ADGB: variants seen among roughly 807,000 people sequenced by gnomAD.
The protein encoded by ADGB is calpain-7-like protein.
ADGB carries 172 observed loss-of-function variants against 210.5 expected under a neutral mutation model. The observed-to-expected ratio is 0.82, with a 90% CI of 0.72 to 0.93. The LOEUF (loss-of-function observed/expected upper bound fraction) is 0.93. ADGB is among the 40% of genes least tolerant of loss of function. The pLI is 0.00. For synonymous variants in ADGB, 658 were observed against 662.7 expected (o/e 0.99, Z 0.11); for missense variants, 2,025 against 1,964.8 (o/e 1.03, Z -0.58).
intron 17 of ADGB, among the ~76,000 whole-genome samples, chr6:146,723,793 C>G (rs1281032106): frequency 6.6e-6 from 1 of 152,086 alleles, no homozygotes; most frequent in Non-Finnish European, 1.5e-5. Flanking sequence ...ATTTTTTACA[C>G]TATTTTAGAG....
intron 1 of ADGB, among the ~76,000 whole-genome samples, chr6:146,606,090 A>AT (rs578257227): frequency 3.6e-4 from 55 of 152,084 alleles, no homozygotes; most frequent in Middle Eastern, 3.4e-3. Flanking sequence ...TGCATCTGTT[A>AT]TTTTTTGACT....
chr6:146,703,029 T>C (rs1583597221), intron 13 of ADGB, among the ~76,000 whole-genome samples: 3 of 152,040 alleles, frequency 2.0e-5, no homozygotes, highest in East Asian at 3.9e-4. Context: ...ATTGAACTGG[T>C]TGTTATTGTG....
intron 1 of ADGB, among the ~76,000 whole-genome samples, chr6:146,608,919 T>G (rs1780667758): frequency 1.3e-5 from 2 of 152,216 alleles, no homozygotes; most frequent in African/African-American, 4.8e-5. Flanking sequence ...ATGCTGAATA[T>G]CTTTTTAAAT....
intron 12 of ADGB, among the ~76,000 whole-genome samples, chr6:146,699,783 A>C (rs1172151441): frequency 1.3e-5 from 2 of 152,174 alleles, no homozygotes; most frequent in African/African-American, 4.8e-5. Flanking sequence ...GCAGACCTCA[A>C]GGACAAATTT....
At chr6:146,735,292 C>A (rs2114590363) in intron 22 of ADGB, among the ~76,000 whole-genome samples, 1 of 152,216 alleles carries the variant, frequency 6.6e-6, no homozygotes, top group South Asian at 2.1e-4. Flanking sequence ...AGATGTATTT[C>A]TTACAGTTCT....
At position 146,656,810 on chromosome 6, in the gene ADGB, A is replaced by G; in HGVS notation, c.442A>G (p.Lys148Glu). 1 of 1,550,918 alleles carries G rather than the reference A, an allele frequency of 6.4e-7. No individual in the cohort carries two copies. Among genetic ancestry groups the G allele is most frequent in the Admixed American group, 2.0e-5 (1 of 50,878 alleles). Reference protein sequence around the residue: ...WIISEIYAVWKIFNGGILSNY... With the variant: ...WIISEIYAVWEIFNGGILSNY... ...TATCAGTGAAATCTATGCAGTGTGG[A>G]AGATCTTCAATGGAGGAATTTTGAG... The change falls in exon 5 of 36, where the codon AAG becomes GAG. Residue 148 changes from lysine (K) to glutamate (E), a missense_variant. By Grantham distance (56) the Lys-to-Glu change is moderately conservative. Transcript: ENST00000397944.
At chr6:146,761,970 C>T (rs1476238655) in intron 27 of ADGB, among the ~76,000 whole-genome samples, 2 of 152,072 alleles carry the variant, frequency 1.3e-5, no homozygotes, top group East Asian at 3.9e-4. Context: ...CTTCACATGA[C>T]CCTCTTATTT....
chr6:146,799,020 G>A (rs1778084276), intron 33 of ADGB, among the ~76,000 whole-genome samples: 1 of 87,212 alleles, frequency 1.1e-5, no homozygotes, highest in South Asian at 3.8e-4. Context: ...ACATTTTACA[G>A]AATTTGACAT....
At chr6:146,803,256 T>C (rs1778158954) in intron 35 of ADGB, 5 of 1,589,154 alleles carry the variant, frequency 3.1e-6, no homozygotes, top group Non-Finnish European at 3.5e-6. Context: ...CATTGTTTCA[T>C]GGTCCTGAGA....
chr6:146,793,392 TG>T (rs1562302681), intron 33 of ADGB, among the ~76,000 whole-genome samples: 2 of 152,192 alleles, frequency 1.3e-5, no homozygotes, highest in Admixed American at 1.3e-4. Context: ...CCCCAGCTGC[TG>T]CTGGGAATGG....
intron 29 of ADGB, among the ~76,000 whole-genome samples, chr6:146,780,164 C>G (rs1777778836): frequency 6.6e-6 from 1 of 151,746 alleles, no homozygotes; most frequent in African/African-American, 2.4e-5. Context: ...TTAATTCAAA[C>G]TAGATGGTTA....
chr6:146,674,199 G>A (rs1679895124), intron 8 of ADGB, among the ~76,000 whole-genome samples: 1 of 152,182 alleles, frequency 6.6e-6, no homozygotes. Context: ...AGATACATTG[G>A]AGGGGAGTAA....
intron 8 of ADGB, 37 bp from the exon 9 acceptor site, chr6:146,676,276 T>C (rs1212802940): frequency 9.3e-6 from 14 of 1,501,750 alleles, no homozygotes; most frequent in East Asian, 7.5e-5. Context: ...TGAGATTGTC[T>C]AGTTAAAATA....
rs570871231 is a variant in ADGB at position 146,648,504 on chromosome 6, A to G, written c.330+3639A>G. On this transcript the variant is annotated intron_variant, in intron 3 of 35. Transcript: ENST00000397944. ...GAAATTTACAATCATGGCAGAAGGTAAAGGGGAAGCAAGCACTTCTTCACA... is the reference window on the plus strand; with the variant it reads ...GAAATTTACAATCATGGCAGAAGGTGAAGGGGAAGCAAGCACTTCTTCACA... Among the ~76,000 whole-genome samples the G allele has an allele frequency of 2.0e-5, 3 of 152,234 alleles. No individual in the cohort carries two copies. The East Asian group carries it at 5.8e-4, about 29-fold the overall frequency.
chr6:146,745,021 A>T (rs891884659), intron 25 of ADGB, among the ~76,000 whole-genome samples: 1 of 152,156 alleles, frequency 6.6e-6, no homozygotes, highest in African/African-American at 2.4e-5. Context: ...CCCAAACATG[A>T]TGTCATAAAG....
At chr6:146,617,040 T>C (rs574955701) in intron 1 of ADGB, among the ~76,000 whole-genome samples, 1 of 152,280 alleles carries the variant, frequency 6.6e-6, no homozygotes, top group South Asian at 2.1e-4. Context: ...GCGCCTAGTA[T>C]AGATATTTTA....
At chr6:146,673,048 G>A (rs533316440) in intron 8 of ADGB, among the ~76,000 whole-genome samples, 63 of 152,040 alleles carry the variant, frequency 4.1e-4, no homozygotes, top group Non-Finnish European at 8.2e-4. Context: ...TCTTATATAG[G>A]AGTCTTATCT....
chr6:146,638,231 G>A (rs188758061), intron 2 of ADGB, among the ~76,000 whole-genome samples: 51 of 152,008 alleles, frequency 3.4e-4, no homozygotes, highest in Middle Eastern at 3.4e-3. Flanking sequence ...AGTGCAGCTC[G>A]CTTCCAGCAT....
intron 1 of ADGB, among the ~76,000 whole-genome samples, chr6:146,629,990 A>G (rs1288163311): frequency 6.6e-6 from 1 of 152,208 alleles, no homozygotes; most frequent in East Asian, 1.9e-4. Context: ...TAATCCCAGC[A>G]CTTTGGGAGG....
Sources: gnomAD v4.1 joint callset for allele counts (sites outside exome capture counted in the v4.1 genomes callset) on GRCh38, gnomAD v4.1.1 for gene constraint, MANE v1.5 for transcripts, NCBI Gene and HGNC (gene_info 2026-07-23, HGNC 2026-07-21) for gene names.